UNC13A: variants seen among roughly 807,000 people sequenced by gnomAD.
UNC13A encodes unc-13 homolog A.
UNC13A carries 61 observed loss-of-function variants against 219.7 expected under a neutral mutation model. The observed-to-expected ratio is 0.28, with a 90% CI of 0.23 to 0.34. The LOEUF is 0.34. UNC13A is among the 10% of genes least tolerant of loss of function. The pLI is 1.00. For synonymous variants in UNC13A, 920 were observed against 884.6 expected (o/e 1.04, Z -0.71); for missense variants, 1,476 against 2,270.3 (o/e 0.65, Z 7.11).
intron 19 of UNC13A, among the ~76,000 whole-genome samples, chr19:17,644,079 C>A (rs2076998225): frequency 6.6e-6 from 1 of 152,174 alleles, no homozygotes; most frequent in Non-Finnish European, 1.5e-5. Context: ...TTAGATTGGA[C>A]TCCCCAGATT....
intron 30 of UNC13A, among the ~76,000 whole-genome samples, 180 bp downstream of exon 30, chr19:17,629,964 CA>C (rs1408988369): frequency 1.3e-5 from 2 of 151,990 alleles, no homozygotes; most frequent in East Asian, 3.9e-4. Flanking sequence ...AACCTCATCT[CA>C]ACCTCAACCT....
At chr19:17,666,449 G>A (rs541364410) in intron 7 of UNC13A, among the ~76,000 whole-genome samples, 3 of 151,936 alleles carry the variant, frequency 2.0e-5, no homozygotes, top group East Asian at 1.9e-4. Context: ...TCCTGACCTC[G>A]GCTTCCCAAA....
In UNC13A at chr19:17,610,020, C is replaced by T; in HGVS notation, c.4731G>A (p.Gln1577=). The change falls in exon 43 of 44, where the codon CAG becomes CAA. Residue 1577 remains glutamine, a synonymous_variant. Coordinates refer to ENST00000519716, the MANE Select transcript of UNC13A (RefSeq NM_001080421.3). ...PFIEVNIIGP[Q]LSDKKRKFAT... is the part of the protein sequence containing the mutation. The stretch of plus-strand genomic sequence containing the variant: ...CAAACTTGCGTTTCTTGTCGCTGAG[C>T]TGGGGCCCAATGATGTTGACCTCGA... 6.2e-7 allele frequency: 1 copy of T among 1,614,034 alleles called. No individual in the cohort carries two copies. Among genetic ancestry groups the T allele is most frequent in the Non-Finnish European group, 8.5e-7 (1 of 1,179,910 alleles).
intron 8 of UNC13A, among the ~76,000 whole-genome samples, chr19:17,663,103 C>T (rs1007640724): frequency 1.3e-5 from 2 of 151,738 alleles, no homozygotes; most frequent in Admixed American, 6.6e-5. Flanking sequence ...TGTTAGAGAC[C>T]CCGCCCACCC....
rs2076944953 is a variant in UNC13A at position 17,639,520 on chromosome 19, G to A, written c.2862C>T (p.Asn954=). 1 of 1,612,784 alleles carries A rather than the reference G, an allele frequency of 6.2e-7. No homozygotes were observed. The highest frequency in any genetic ancestry group is 1.1e-5 in the South Asian group (1 of 90,892). Residue 954 remains asparagine, a synonymous_variant, in exon 24 of 44, where the codon AAC becomes AAT. Coordinates refer to ENST00000519716, the MANE Select transcript of UNC13A (RefSeq NM_001080421.3). ...GTCTCTCCGGGCTGCTGGCTGGGAA[G>A]TTATTCTGTTGGGAGCAGGAAGAGA... is the stretch of plus-strand genomic sequence containing the variant. ...LRIDLSMYRN[N]FPASSPERLQ... is the part of the protein sequence containing the mutation.
intron 40 of UNC13A, 135 bp from the exon 41 acceptor site, chr19:17,617,984 G>T (rs1379334358): frequency 8.1e-7 from 1 of 1,231,772 alleles, no homozygotes; most frequent in Non-Finnish European, 1.1e-6. Flanking sequence ...TTTGCCTAGT[G>T]AACTCCTATG....
intron 43 of UNC13A, among the ~76,000 whole-genome samples, chr19:17,609,518 C>T (rs1460183653): frequency 1.3e-5 from 2 of 152,068 alleles, no homozygotes; most frequent in Non-Finnish European, 2.9e-5. Flanking sequence ...AGTCCCCACC[C>T]CCATGCAACC....
intron 31 of UNC13A, chr19:17,628,306 G>T: frequency 1.3e-5 from 3 of 223,698 alleles, no homozygotes; most frequent in Non-Finnish European, 2.6e-5. Flanking sequence ...GTGACACACT[G>T]AAGGCGTGTG....
chr19:17,611,895 T>G (rs776927286), intron 41 of UNC13A, 40 bp from the exon 42 acceptor site: 16 of 1,581,880 alleles, frequency 1.0e-5, no homozygotes, highest in Non-Finnish European at 1.3e-5. Context: ...TGAGCTCTGT[T>G]CTTTCCCACC....
intron 8 of UNC13A, among the ~76,000 whole-genome samples, chr19:17,659,654 A>G (rs1413655059): frequency 6.6e-6 from 1 of 152,066 alleles, no homozygotes; most frequent in Non-Finnish European, 1.5e-5. Context: ...CTGTAGTCCC[A>G]GCTATTCGGG....
At chr19:17,669,729 C>T in intron 4 of UNC13A, 53 bp from the exon 5 acceptor site, 1 of 1,550,656 alleles carries the variant, frequency 6.4e-7, no homozygotes, top group South Asian at 1.2e-5. Flanking sequence ...GTCACTAGTC[C>T]CCAGGGCCCC....
intron 1 of UNC13A, 122 bp downstream of exon 1, chr19:17,688,056 C>G (rs1309834553): frequency 3.8e-6 from 5 of 1,310,898 alleles, no homozygotes; most frequent in Non-Finnish European, 5.1e-6. Context: ...CTACCCCTCT[C>G]AAAAGTCCAG....
At chr19:17,676,165 G>A in intron 1 of UNC13A, 124 bp from the exon 2 acceptor site, 1 of 1,030,376 alleles carries the variant, frequency 9.7e-7, no homozygotes, top group African/African-American at 1.6e-5. Context: ...ACAGAGGAGA[G>A]ACAGGCAAAG....
At chr19:17,642,696 G>T in intron 20 of UNC13A, 149 bp downstream of exon 20, 1 of 670,584 alleles carries the variant, frequency 1.5e-6, no homozygotes, top group Non-Finnish European at 2.5e-6. Flanking sequence ...TGATGGATAG[G>T]GAGGAGTTTT....
rs1162449274 is a variant in UNC13A at position 17,604,045 on chromosome 19, T to A, written c.*2009A>T. The stretch of plus-strand genomic sequence containing the variant: ...CAGGCTGGTCTCAAACTCCTGACCT[T>A]AAGTGATCTGCCAGCCTCGGTCTCC... On this transcript the variant is annotated 3_prime_UTR_variant, in exon 44 of 44. Coordinates refer to ENST00000519716, the MANE Select transcript of UNC13A (RefSeq NM_001080421.3). 1 of 152,208 alleles carries A rather than the reference T, an allele frequency of 6.6e-6. No homozygotes were observed. Among genetic ancestry groups the A allele is most frequent in the East Asian group, 1.9e-4 (1 of 5,190 alleles). 9.4% of individuals were successfully genotyped at this position (152,208 alleles called of 1,614,324 possible). A position where few individuals can be genotyped will look rare whatever the true frequency, so the allele number is the denominator to read the frequency against.
intron 6 of UNC13A, 96 bp from the exon 7 acceptor site, chr19:17,666,800 T>G (rs2079656387): frequency 1.1e-6 from 1 of 894,590 alleles, no homozygotes; most frequent in Non-Finnish European, 1.5e-6. Flanking sequence ...CCGACTTCCC[T>G]CTACCTCCCA....
At chr19:17,626,930 A>C in intron 33 of UNC13A, 145 bp from the exon 34 acceptor site, 308 of 1,283,918 alleles carry the variant, frequency 2.4e-4, no homozygotes, top group Non-Finnish European at 2.9e-4. Flanking sequence ...GCGGTGGCTC[A>C]CGCCTTTAAT....
At chr19:17,644,999 A>G (rs1236225346) in intron 19 of UNC13A, among the ~76,000 whole-genome samples, 1 of 141,838 alleles carries the variant, frequency 7.1e-6, no homozygotes, top group Non-Finnish European at 1.5e-5. Context: ...CGGCGCCCCC[A>G]GCCTGGATTC....
chr19:17,615,009 C>T (rs866715826), intron 41 of UNC13A, among the ~76,000 whole-genome samples: 1 of 152,078 alleles, frequency 6.6e-6, no homozygotes, highest in Non-Finnish European at 1.5e-5. Flanking sequence ...GCTGGCTTCG[C>T]GGGGAAGGGT....
Sources: allele counts gnomAD v4.1 joint callset (sites outside exome capture counted in the v4.1 genomes callset), GRCh38; gene constraint gnomAD v4.1.1; transcripts MANE v1.5; gene names NCBI Gene and HGNC (gene_info 2026-07-23, HGNC 2026-07-21).